Variants in GRID1 observed in about 807,000 individuals in gnomAD.
GRID1 encodes glutamate ionotropic receptor delta type subunit 1.
In GRID1, 28 loss-of-function variants were observed where a neutral mutation model predicts 98.0. The ratio of observed to expected loss-of-function variants is 0.29; its 90% CI spans 0.21 to 0.39. The LOEUF (loss-of-function observed/expected upper bound fraction) is 0.39, where lower values mean the gene tolerates loss of function less well. Ranked by LOEUF, GRID1 falls within the 10% of genes least tolerant of loss-of-function variation. The probability of loss-of-function intolerance (pLI) is 1.00; values close to 1 mark genes in which losing one functional copy is unlikely to be tolerated. For synonymous variants in GRID1, 553 were observed against 538.5 expected, an observed-to-expected ratio of 1.03 and a Z score of -0.37; for missense variants, 1,111 against 1,340.5, an observed-to-expected ratio of 0.83 and a Z score of 2.67.
chr10:85,624,998 T>A (rs181052864), intron 13 of GRID1, among the ~76,000 whole-genome samples: 109 of 152,302 alleles, frequency 7.2e-4, no homozygotes, highest in African/African-American at 2.4e-3. Flanking sequence ...AAACACTATA[T>A]ATTTATATAT....
chr10:85,822,750 G>T (rs560934899), intron 8 of GRID1, among the ~76,000 whole-genome samples: 2,478 of 152,134 alleles, frequency 0.016, 73 homozygotes, highest in Admixed American at 0.066. Flanking sequence ...TATGTTTATT[G>T]CGGCACTATT....
At chr10:85,742,881 C>G (rs1841958067) in intron 8 of GRID1, among the ~76,000 whole-genome samples, 1 of 152,116 alleles carries the variant, frequency 6.6e-6, no homozygotes. Flanking sequence ...TGCTCTAGGA[C>G]AAAGCTTTTC....
chr10:85,963,970 A>G (rs1188244669), intron 4 of GRID1, among the ~76,000 whole-genome samples: 1 of 152,200 alleles, frequency 6.6e-6, no homozygotes, highest in Non-Finnish European at 1.5e-5. Context: ...TTAAAAAATC[A>G]CAAGCATCCC....
intron 2 of GRID1, among the ~76,000 whole-genome samples, chr10:86,307,168 C>T (rs1847769679): frequency 6.6e-6 from 1 of 152,206 alleles, no homozygotes; most frequent in East Asian, 1.9e-4. Context: ...ATAGAACTAC[C>T]GTATAATTCA....
chr10:85,694,545 G>GGT lies in GRID1; in HGVS notation c.1997+28456_1997+28457dup, dbSNP rs545762406. 1.2e-3 allele frequency among the ~76,000 whole-genome samples: 110 copies of GGT among 88,920 alleles called. 2 individuals carry two copies. The highest frequency in any genetic ancestry group is 1.8e-3 in the Non-Finnish European group (83 of 47,304). 58.3% of individuals were successfully genotyped at this position (88,920 alleles called of 152,430 possible). A position where few individuals can be genotyped will look rare whatever the true frequency, so the allele number is the denominator to read the frequency against. On this transcript the variant is annotated intron_variant, in intron 12 of 15. Transcript: ENST00000327946. ...ACTGGTAACTAGATAAAGAAAATGT[G>GGT]GTGTGTATATATATATATATATATA... is the stretch of plus-strand genomic sequence containing the variant.
At chr10:85,930,363 T>C (rs1276418576) in intron 4 of GRID1, among the ~76,000 whole-genome samples, 1 of 150,534 alleles carries the variant, frequency 6.6e-6, no homozygotes, top group Non-Finnish European at 1.5e-5. Context: ...AAAATTGTTT[T>C]ATTTATATTT....
intron 4 of GRID1, among the ~76,000 whole-genome samples, chr10:85,920,839 T>C (rs1229856380): frequency 1.3e-5 from 2 of 152,144 alleles, no homozygotes; most frequent in Non-Finnish European, 2.9e-5. Context: ...CTGTCTGCAG[T>C]TAGACTTCTC....
chr10:86,303,037 T>C (rs1463456841), intron 2 of GRID1, among the ~76,000 whole-genome samples: 1 of 152,244 alleles, frequency 6.6e-6, no homozygotes, highest in Non-Finnish European at 1.5e-5. Context: ...CAATCAGGTA[T>C]AAGAGATATT....
chr10:86,184,175 T>C (rs1376800860), intron 3 of GRID1, among the ~76,000 whole-genome samples: 4 of 152,224 alleles, frequency 2.6e-5, no homozygotes, highest in Non-Finnish European at 5.9e-5. Context: ...AGCTATGTGA[T>C]TCATAAATAT....
chr10:85,849,060 C>G (rs969675973), intron 8 of GRID1, among the ~76,000 whole-genome samples: 1 of 152,278 alleles, frequency 6.6e-6, no homozygotes, highest in East Asian at 1.9e-4. Context: ...GCTGTGCCCA[C>G]TTCCCAGGCT....
chr10:85,959,615 A>G (rs1004110554), intron 4 of GRID1, among the ~76,000 whole-genome samples: 17 of 151,688 alleles, frequency 1.1e-4, no homozygotes, highest in African/African-American at 4.1e-4. Context: ...TCATAGACAT[A>G]AAATGATACA....
chr10:86,111,625 A>G (rs1443788783), intron 4 of GRID1, among the ~76,000 whole-genome samples: 2 of 152,224 alleles, frequency 1.3e-5, no homozygotes, highest in African/African-American at 4.8e-5. Context: ...TTGGAGGGAT[A>G]AAGGGGTTAA....
chr10:85,971,418 A>G (rs1842405881), intron 4 of GRID1, among the ~76,000 whole-genome samples: 1 of 152,114 alleles, frequency 6.6e-6, no homozygotes, highest in Admixed American at 6.5e-5. Flanking sequence ...ATGACAAGGT[A>G]TTCATAATAC....
intron 3 of GRID1, among the ~76,000 whole-genome samples, chr10:86,178,982 C>A (rs1017351171): frequency 6.6e-6 from 1 of 152,054 alleles, no homozygotes; most frequent in Non-Finnish European, 1.5e-5. Context: ...ACTCCTGGGG[C>A]TAATAGGAGA....
chr10:85,708,733 AC>A (rs1005804570), intron 12 of GRID1: 8 of 153,432 alleles, frequency 5.2e-5, no homozygotes, highest in African/African-American at 1.7e-4. Flanking sequence ...GGTAACACAT[AC>A]ACCCATTGCA....
chr10:86,239,319 T>C (rs1483204572), intron 2 of GRID1, among the ~76,000 whole-genome samples: 6 of 152,216 alleles, frequency 3.9e-5, no homozygotes, highest in Admixed American at 3.9e-4. Flanking sequence ...CCCCATTGTA[T>C]CTTGGAAGTC....
intron 5 of GRID1, among the ~76,000 whole-genome samples, chr10:85,881,302 G>C (rs1841009890): frequency 6.6e-6 from 1 of 152,108 alleles, no homozygotes; most frequent in Admixed American, 6.6e-5. Context: ...CCAAAAAAGA[G>C]CCCACATCAC....
chr10:85,968,970 T>C (rs1435193215), intron 4 of GRID1, among the ~76,000 whole-genome samples: 5 of 152,168 alleles, frequency 3.3e-5, no homozygotes, highest in Non-Finnish European at 5.9e-5. Context: ...TTCAAAGATA[T>C]AATAGGTTGA....
rs958562828 is a variant in GRID1 at position 86,308,597 on chromosome 10, T to C, written c.235+55344A>G. On this transcript the variant is annotated intron_variant, in intron 2 of 15. Coordinates refer to ENST00000327946, the MANE Select transcript of GRID1 (RefSeq NM_017551.3). ...TGTATTAGGTCCAATGGGAAGTATG[T>C]TAAATACACTTGGTTAGAGGATCTC... Among the ~76,000 whole-genome samples the C allele has an allele frequency of 3.3e-5, 5 of 152,320 alleles. No individual in the cohort carries two copies. In the Middle Eastern group the frequency reaches 0.01, roughly 311 times the overall value.
Sources: gnomAD v4.1 joint callset for allele counts (sites outside exome capture counted in the v4.1 genomes callset) on GRCh38, gnomAD v4.1.1 for gene constraint, MANE v1.5 for transcripts, NCBI Gene and HGNC (gene_info 2026-07-23, HGNC 2026-07-21) for gene names.